LNPK: variants seen among roughly 807,000 people sequenced by gnomAD.
LNPK encodes the protein endoplasmic reticulum junction formation protein lunapark.
A neutral mutation model predicts 55.2 loss-of-function variants in LNPK; 29 were observed. The ratio of observed to expected loss-of-function variants is 0.53; its 90% CI spans 0.39 to 0.72. The LOEUF (loss-of-function observed/expected upper bound fraction) is 0.72, where lower values mean the gene tolerates loss of function less well. Ranked by LOEUF, LNPK falls within the 30% of genes least tolerant of loss-of-function variation. The pLI is 0.00. For synonymous variants in LNPK, 162 were observed against 168.2 expected (o/e 0.96, Z 0.29); for missense variants, 467 against 494.8 (o/e 0.94, Z 0.53).
chr2:175,959,114 G>A (rs151038030), intron 8 of LNPK, among the ~76,000 whole-genome samples: 82 of 152,316 alleles, frequency 5.4e-4, no homozygotes, highest in African/African-American at 2.0e-3. Flanking sequence ...AAGTGATGGG[G>A]AGGATGGAAC....
Position 175,926,012 on chromosome 2 carries a change from A to T in LNPK, c.*3955T>A, listed in dbSNP as rs1384292334. On this transcript the variant is annotated 3_prime_UTR_variant, in exon 13 of 13. Transcript: ENST00000272748. ...AAACTCAGGCTGCAGCACACAGAAT[A>T]GATAGCAAGTGCACAAGGTTGGAGA... The T allele has an allele frequency of 6.6e-6, 1 of 152,236 alleles. No individual in the cohort carries two copies. Among genetic ancestry groups the T allele is most frequent in the Non-Finnish European group, 1.5e-5 (1 of 68,068 alleles). The allele number at this position is 152,236 out of a possible 1,614,324, so 9.4% of individuals were successfully genotyped here.
intron 12 of LNPK, among the ~76,000 whole-genome samples, chr2:175,936,877 T>C (rs987235804): frequency 5.9e-5 from 9 of 152,200 alleles, no homozygotes; most frequent in Non-Finnish European, 1.2e-4. Context: ...TCCAAAAAAA[T>C]GCAAGGATAA....
intron 1 of LNPK, among the ~76,000 whole-genome samples, chr2:176,001,608 A>C (rs1266638007): frequency 6.6e-6 from 1 of 152,084 alleles, no homozygotes; most frequent in Admixed American, 6.5e-5. Context: ...TTCTCTAAGT[A>C]GCACGTACTC....
chr2:175,992,963 C>T (rs1687769833), intron 3 of LNPK, among the ~76,000 whole-genome samples: 1 of 152,092 alleles, frequency 6.6e-6, no homozygotes, highest in African/African-American at 2.4e-5. Flanking sequence ...CACTACAGAT[C>T]TAATTTCATT....
intron 5 of LNPK, among the ~76,000 whole-genome samples, chr2:175,977,738 G>T (rs1460422627): frequency 3.3e-5 from 5 of 152,112 alleles, no homozygotes; most frequent in Non-Finnish European, 4.4e-5. Flanking sequence ...ATAGGTGGAG[G>T]AAAAGAAGAG....
At chr2:175,975,935 T>G (rs962027234) in intron 5 of LNPK, among the ~76,000 whole-genome samples, 1 of 152,072 alleles carries the variant, frequency 6.6e-6, no homozygotes, top group Non-Finnish European at 1.5e-5. Context: ...ATTGCTTTAA[T>G]CCAGTAGATG....
At chr2:175,976,611 G>A (rs1686923978) in intron 5 of LNPK, among the ~76,000 whole-genome samples, 1 of 152,174 alleles carries the variant, frequency 6.6e-6, no homozygotes, top group African/African-American at 2.4e-5. Context: ...CTGAAGGCCT[G>A]AATAGAACAA....
Position 175,966,141 on chromosome 2 carries a change from T to G in LNPK, c.358-1552A>C, listed in dbSNP as rs530576909. Among the ~76,000 whole-genome samples the G allele has an allele frequency of 4.6e-5, 7 of 152,314 alleles. No individual in the cohort carries two copies. In the East Asian group the frequency reaches 1.4e-3, roughly 29 times the overall value. ...GCTGGAGTGAGTGGTTTCGGCTCAC[T>G]GCAGCCTCCACCTCCCAGGTTCAAG... is the stretch of plus-strand genomic sequence containing the variant. On this transcript the variant is annotated intron_variant, in intron 6 of 12. Transcript: ENST00000272748.
chr2:175,972,299 C>A (rs1686699164), intron 5 of LNPK, among the ~76,000 whole-genome samples: 1 of 152,096 alleles, frequency 6.6e-6, no homozygotes, highest in Non-Finnish European at 1.5e-5. Context: ...ATCTGAAATG[C>A]TTGGTGCTAG....
chr2:175,945,995 A>G (rs1685104589), intron 9 of LNPK, among the ~76,000 whole-genome samples: 1 of 152,204 alleles, frequency 6.6e-6, no homozygotes, highest in Non-Finnish European at 1.5e-5. Flanking sequence ...GCATAAAGAA[A>G]AAACTAAGTA....
chr2:175,968,139 C>T lies in LNPK; in HGVS notation c.357+2625G>A, dbSNP rs146919167. 1.1e-3 allele frequency among the ~76,000 whole-genome samples: 160 copies of T among 152,266 alleles called. 1 individual carries two copies. The highest frequency in any genetic ancestry group is 3.4e-3 in the African/African-American group (142 of 41,562). On this transcript the variant is annotated intron_variant, in intron 6 of 12. Coordinates refer to ENST00000272748, the MANE Select transcript of LNPK (RefSeq NM_030650.3). ...TATGATTCTGTACTGTTCCCAGAAA[C>T]GTCAACATTAACCTGTAACTCAGCA...
chr2:175,960,405 T>A (rs1180609099), intron 8 of LNPK, among the ~76,000 whole-genome samples: 2 of 152,166 alleles, frequency 1.3e-5, no homozygotes, highest in Non-Finnish European at 2.9e-5. Flanking sequence ...ATTAAGAATC[T>A]CACTCAAAAC....
rs549549377 is a variant in LNPK at position 175,929,125 on chromosome 2, C to A, written c.*842G>T. The A allele has an allele frequency of 2.0e-6, 2 of 984,506 alleles. No homozygotes were observed. Among genetic ancestry groups the A allele is most frequent in the East Asian group, 2.3e-4 (2 of 8,792 alleles). 61.0% of individuals were successfully genotyped at this position (984,506 alleles called of 1,614,324 possible). A position where few individuals can be genotyped will look rare whatever the true frequency, so the allele number is the denominator to read the frequency against. On this transcript the variant is annotated 3_prime_UTR_variant, in exon 13 of 13. Transcript: ENST00000272748. ...GATATTTAGCAAAATGAAACTGATG[C>A]CAGATTATTTTCATTTTCCTTAATA... is the stretch of plus-strand genomic sequence containing the variant.
intron 8 of LNPK, among the ~76,000 whole-genome samples, chr2:175,960,357 G>C (rs1167884967): frequency 6.6e-6 from 1 of 152,110 alleles, no homozygotes; most frequent in African/African-American, 2.4e-5. Context: ...ACAACAAACT[G>C]TCTCTCAGAC....
At chr2:175,957,451 C>T (rs1685751460) in intron 8 of LNPK, among the ~76,000 whole-genome samples, 1 of 151,856 alleles carries the variant, frequency 6.6e-6, no homozygotes, top group African/African-American at 2.4e-5. Context: ...TGAGCTATCA[C>T]ACACTTGTCA....
chr2:175,978,971 A>G (rs1016756950), intron 5 of LNPK, among the ~76,000 whole-genome samples: 1 of 152,198 alleles, frequency 6.6e-6, no homozygotes, highest in African/African-American at 2.4e-5. Flanking sequence ...TTTGATAGTC[A>G]TATATTAATA....
chr2:175,971,356 C>T (rs2105654998), intron 5 of LNPK, among the ~76,000 whole-genome samples: 1 of 152,152 alleles, frequency 6.6e-6, no homozygotes, highest in Middle Eastern at 3.4e-3. Flanking sequence ...GATTTGCCCG[C>T]TTATATAGGT....
chr2:175,926,086 C>G lies in LNPK; in HGVS notation c.*3881G>C, dbSNP rs955865813. 7.2e-5 allele frequency: 11 copies of G among 152,186 alleles called. No individual in the cohort carries two copies. The highest frequency in any genetic ancestry group is 2.7e-4 in the African/African-American group (11 of 41,426). The allele number at this position is 152,186 out of a possible 1,614,324, so 9.4% of individuals were successfully genotyped here. ...CTTTGGTAATCTGAAATGATGGAGG[C>G]CAAGATTAGAAGGCAGTACAACAGA... On this transcript the variant is annotated 3_prime_UTR_variant, in exon 13 of 13. Coordinates refer to ENST00000272748, the MANE Select transcript of LNPK (RefSeq NM_030650.3).
intron 8 of LNPK, among the ~76,000 whole-genome samples, chr2:175,950,553 C>T (rs1375773736): frequency 6.6e-6 from 1 of 151,858 alleles, no homozygotes; most frequent in Non-Finnish European, 1.5e-5. Flanking sequence ...AAATAGAATC[C>T]AAATGATATA....
Sources: gnomAD v4.1 joint callset for allele counts (sites outside exome capture counted in the v4.1 genomes callset) on GRCh38, gnomAD v4.1.1 for gene constraint, MANE v1.5 for transcripts, NCBI Gene and HGNC (gene_info 2026-07-23, HGNC 2026-07-21) for gene names.